Variants in TGFBRAP1 observed in about 807,000 individuals in gnomAD.
TGFBRAP1 encodes the protein transforming growth factor-beta receptor-associated protein 1.
A neutral mutation model predicts 83.2 loss-of-function variants in TGFBRAP1; 20 were observed. The observed-to-expected ratio is 0.24, with a 90% confidence interval of 0.17 to 0.35. The LOEUF (loss-of-function observed/expected upper bound fraction) is 0.35, where lower values mean the gene tolerates loss of function less well. Among genes scored for constraint, TGFBRAP1 ranks in the 10% least tolerant of loss-of-function variants. TGFBRAP1 has a pLI of 1.00. For missense variants in TGFBRAP1, 950 were observed against 1,099.4 expected (o/e 0.86, Z 1.92); for synonymous variants, 415 against 459.8 (o/e 0.90, Z 1.25).
chr2:105,320,645 C>T (rs1284000812), intron 1 of TGFBRAP1, among the ~76,000 whole-genome samples: 1 of 152,182 alleles, frequency 6.6e-6, no homozygotes, highest in Non-Finnish European at 1.5e-5. Flanking sequence ...CTCAGCCAAC[C>T]TTTCCTCCTT....
At chr2:105,298,788 A>C in intron 2 of TGFBRAP1, 83 bp from the exon 3 acceptor site, 2 of 1,299,414 alleles carry the variant, frequency 1.5e-6, no homozygotes, top group Non-Finnish European at 1.0e-6. Flanking sequence ...ATGCAGACCG[A>C]CCCCTGCCCA....
In TGFBRAP1 at chr2:105,269,732, A is replaced by C. The variant is rs1354074808; in HGVS notation, c.1973-27T>G. On this transcript the variant is annotated intron_variant, in intron 10 of 11. Coordinates refer to ENST00000393359, the MANE Select transcript of TGFBRAP1 (RefSeq NM_004257.6). This position sits in a 1 kb window ranked among gnomAD's most constrained non-coding sequence, Gnocchi z 4.1. Reference sequence around the variant, plus strand: ...TGCAAGACAGAACCTGCAGCTCAGAAAGAAAGGGGCTCGCCGGCCACCCGC... The same window carrying C: ...TGCAAGACAGAACCTGCAGCTCAGACAGAAAGGGGCTCGCCGGCCACCCGC... 2 of 1,484,292 alleles carry C rather than the reference A, an allele frequency of 1.3e-6. No homozygotes were observed. The highest frequency in any genetic ancestry group is 2.3e-5 in the Admixed American group (1 of 43,832). 91.9% of individuals were successfully genotyped at this position (1,484,292 alleles called of 1,614,324 possible).
chr2:105,327,981 A>C (rs930028990), intron 1 of TGFBRAP1, among the ~76,000 whole-genome samples: 3 of 152,178 alleles, frequency 2.0e-5, no homozygotes, highest in Non-Finnish European at 2.9e-5. Context: ...TCAAAACATA[A>C]AACTACATAT....
In TGFBRAP1 at chr2:105,273,486, C is replaced by T. The variant is rs1025375965; in HGVS notation, c.1812+58G>A. The T allele has an allele frequency of 7.4e-5, 118 of 1,595,924 alleles. No homozygotes were observed. In the Middle Eastern group the frequency reaches 8.4e-4, roughly 11 times the overall value. On this transcript the variant is annotated intron_variant, in intron 9 of 11. Coordinates refer to ENST00000393359, the MANE Select transcript of TGFBRAP1 (RefSeq NM_004257.6). ...ACAGAATCACATGCCAAAAAGTGTTCTAGTTCAATTCCGTCTCTCCAGCCC... is the reference window on the plus strand; with the variant it reads ...ACAGAATCACATGCCAAAAAGTGTTTTAGTTCAATTCCGTCTCTCCAGCCC...
At chr2:105,309,118 C>T (rs926507107) in intron 1 of TGFBRAP1, among the ~76,000 whole-genome samples, 1 of 152,266 alleles carries the variant, frequency 6.6e-6, no homozygotes, top group Non-Finnish European at 1.5e-5. Context: ...AGCCCGTCGC[C>T]TCCTACTTCA....
chr2:105,279,658 G>A (rs918486228), intron 6 of TGFBRAP1, among the ~76,000 whole-genome samples: 1 of 134,786 alleles, frequency 7.4e-6, no homozygotes, highest in African/African-American at 2.5e-5. Context: ...TCAGTTGTCA[G>A]TAACTAAAAT....
At chr2:105,311,158 A>C (rs1678678017) in intron 1 of TGFBRAP1, among the ~76,000 whole-genome samples, 1 of 144,610 alleles carries the variant, frequency 6.9e-6, no homozygotes, top group African/African-American at 2.4e-5. Context: ...AAAAAAAAAA[A>C]AAACAAAAAA....
In TGFBRAP1 at chr2:105,269,016, T is replaced by C. The variant is rs1057364507; in HGVS notation, c.2406+256A>G. Reference sequence around the variant, plus strand: ...TAAGCGCCTGATATTCTGATGCTGCTCTCCTCCCTACAGACTCTCTTAATC... The same window carrying C: ...TAAGCGCCTGATATTCTGATGCTGCCCTCCTCCCTACAGACTCTCTTAATC... On this transcript the variant is annotated intron_variant, in intron 11 of 11. Transcript: ENST00000393359. This position sits in a 1 kb window ranked among gnomAD's most constrained non-coding sequence, Gnocchi z 4.1. Among the ~76,000 whole-genome samples the C allele has an allele frequency of 6.6e-6, 1 of 152,172 alleles. No individual in the cohort carries two copies. Among genetic ancestry groups the C allele is most frequent in the Non-Finnish European group, 1.5e-5 (1 of 68,042 alleles).
chr2:105,298,778 A>T, intron 2 of TGFBRAP1, 73 bp from the exon 3 acceptor site: 1 of 1,428,422 alleles, frequency 7.0e-7, no homozygotes, highest in Non-Finnish European at 9.3e-7. Flanking sequence ...CTATGTCTGG[A>T]TGCAGACCGA....
chr2:105,326,955 A>G (rs1679240981), intron 1 of TGFBRAP1, among the ~76,000 whole-genome samples: 1 of 152,192 alleles, frequency 6.6e-6, no homozygotes, highest in African/African-American at 2.4e-5. Flanking sequence ...GTTACTCTAC[A>G]TTCATTTAGT....
intron 4 of TGFBRAP1, among the ~76,000 whole-genome samples, chr2:105,285,097 T>C (rs1289972870): frequency 6.6e-6 from 1 of 152,216 alleles, no homozygotes; most frequent in Non-Finnish European, 1.5e-5. Flanking sequence ...GTCTTGCCAT[T>C]GTCTATATGA....
intron 10 of TGFBRAP1, among the ~76,000 whole-genome samples, chr2:105,270,141 C>G (rs543670951): frequency 8.5e-5 from 13 of 152,268 alleles, no homozygotes; most frequent in African/African-American, 2.9e-4. Context: ...TACTTCCCCC[C>G]AAAAGATGTG....
chr2:105,260,530 C>T (rs961572523), downstream of TGFBRAP1, among the ~76,000 whole-genome samples: 1 of 152,088 alleles, frequency 6.6e-6, no homozygotes, highest in African/African-American at 2.4e-5. Flanking sequence ...TTTTATGAGA[C>T]ACCTAGAATA....
chr2:105,292,166 G>A (rs1453769694), intron 4 of TGFBRAP1, among the ~76,000 whole-genome samples: 1 of 152,172 alleles, frequency 6.6e-6, no homozygotes, highest in Non-Finnish European at 1.5e-5. Flanking sequence ...GACATCAACA[G>A]AAAATTCAAT....
intron 1 of TGFBRAP1, among the ~76,000 whole-genome samples, chr2:105,323,521 C>T (rs1679128908): frequency 6.6e-6 from 1 of 152,114 alleles, no homozygotes; most frequent in Non-Finnish European, 1.5e-5. Flanking sequence ...TTGCAGGCAG[C>T]AGGGAGTGAA....
chr2:105,321,290 C>T (rs1679057601), intron 1 of TGFBRAP1, among the ~76,000 whole-genome samples: 2 of 152,214 alleles, frequency 1.3e-5, no homozygotes, highest in South Asian at 2.1e-4. Context: ...TCTCAGCCTC[C>T]TGAGTAGCTG....
Position 105,313,694 on chromosome 2 carries a change from G to A in TGFBRAP1, c.-17-5376C>T, listed in dbSNP as rs564444778. 1.1e-3 allele frequency among the ~76,000 whole-genome samples: 170 copies of A among 151,982 alleles called. 1 individual carries two copies. Among genetic ancestry groups the A allele is most frequent in the Non-Finnish European group, 2.1e-3 (143 of 67,992 alleles). On this transcript the variant is annotated intron_variant, in intron 1 of 11. Coordinates refer to ENST00000393359, the MANE Select transcript of TGFBRAP1 (RefSeq NM_004257.6). ...GCAAAAACACTAAATATTAGCACAC[G>A]AAATCCACAAATATATATTAAAAAT...
In TGFBRAP1 at chr2:105,266,703, T is replaced by C. The variant is rs1676947603; in HGVS notation, c.*680A>G. ...TTGCTAGGCAGCCAGAAGCATTAGT[T>C]CACCCAAGAGTGAGTGCTTGGGTAC... On this transcript the variant is annotated 3_prime_UTR_variant, in exon 12 of 12. Transcript: ENST00000393359. The C allele has an allele frequency of 6.6e-6, 1 of 152,242 alleles. No homozygotes were observed. Among genetic ancestry groups the C allele is most frequent in the Non-Finnish European group, 1.5e-5 (1 of 68,064 alleles). The allele number at this position is 152,242 out of a possible 1,614,324, so 9.4% of individuals were successfully genotyped here. A position where few individuals can be genotyped will look rare whatever the true frequency, so the allele number is the denominator to read the frequency against.
intron 6 of TGFBRAP1, 110 bp from the exon 7 acceptor site, chr2:105,277,781 T>G: frequency 4.8e-6 from 5 of 1,040,056 alleles, no homozygotes; most frequent in Non-Finnish European, 7.5e-6. Context: ...TCAACTCGAG[T>G]TCAGGCTCAT....
Sources: allele counts gnomAD v4.1 joint callset (sites outside exome capture counted in the v4.1 genomes callset), GRCh38; gene constraint gnomAD v4.1.1; non-coding constraint Gnocchi (gnomAD v3.1); transcripts MANE v1.5; gene names NCBI Gene and HGNC (gene_info 2026-07-23, HGNC 2026-07-21).